Variants in CASQ2 observed in about 807,000 individuals in gnomAD.
The protein encoded by CASQ2 is calsequestrin-2.
Under a neutral mutation model 46.5 loss-of-function variants are expected in CASQ2, and 49 were observed. The observed-to-expected ratio is 1.05, with a 90% CI of 0.84 to 1.34. The LOEUF is 1.34. Ranked by LOEUF, CASQ2 falls within the 40% of genes most tolerant of loss-of-function variation. The probability of loss-of-function intolerance (pLI) is 0.00; values close to 1 mark genes in which losing one functional copy is unlikely to be tolerated. For synonymous variants in CASQ2, 174 were observed against 168.5 expected, an observed-to-expected ratio of 1.03 and a Z score of -0.25; for missense variants, 486 against 481.3, an observed-to-expected ratio of 1.01 and a Z score of -0.09.
At chr1:115,749,877 C>A (rs1648517558) in intron 1 of CASQ2, among the ~76,000 whole-genome samples, 1 of 152,234 alleles carries the variant, frequency 6.6e-6, no homozygotes, top group Admixed American at 6.5e-5. Flanking sequence ...CCACCGTTGG[C>A]TGCAGAGCGC....
chr1:115,702,791 T>A (rs1300315080), intron 10 of CASQ2, 130 bp downstream of exon 10: 2 of 747,156 alleles, frequency 2.7e-6, no homozygotes, highest in Middle Eastern at 3.6e-4. Flanking sequence ...CTGGCAAGTT[T>A]CCTTGAGCAG....
At chr1:115,735,744 A>G (rs1420814834) in intron 4 of CASQ2, among the ~76,000 whole-genome samples, 5 of 152,336 alleles carry the variant, frequency 3.3e-5, no homozygotes, top group Non-Finnish European at 7.3e-5. Flanking sequence ...GAATATGAAC[A>G]TTACATTTGT....
At chr1:115,741,665 A>T (rs1648182694) in intron 2 of CASQ2, among the ~76,000 whole-genome samples, 2 of 152,162 alleles carry the variant, frequency 1.3e-5, no homozygotes, top group South Asian at 4.1e-4. Flanking sequence ...TTCTTTATCC[A>T]GTTGGCTGGT....
chr1:115,764,598 A>G (rs908787782), intron 1 of CASQ2, among the ~76,000 whole-genome samples: 1 of 152,250 alleles, frequency 6.6e-6, no homozygotes, highest in African/African-American at 2.4e-5. Flanking sequence ...TGAGGGGTTC[A>G]GAGCAACCTA....
chr1:115,721,846 T>C (rs1647388790), intron 7 of CASQ2, among the ~76,000 whole-genome samples: 1 of 152,158 alleles, frequency 6.6e-6, no homozygotes, highest in Non-Finnish European at 1.5e-5. Flanking sequence ...GCTGGGACTA[T>C]AGACATGAGC....
intron 4 of CASQ2, among the ~76,000 whole-genome samples, chr1:115,736,981 G>T (rs768840511): frequency 6.6e-6 from 1 of 152,088 alleles, no homozygotes; most frequent in Non-Finnish European, 1.5e-5. Context: ...GGTACTGAAA[G>T]GTGTGCTCTT....
At chr1:115,761,528 A>AGAAGAAGAAGAAGAAGAGGAAG (rs1553197305) in intron 1 of CASQ2, among the ~76,000 whole-genome samples, 1 of 78,726 alleles carries the variant, frequency 1.3e-5, no homozygotes, top group African/African-American at 4.6e-5. Flanking sequence ...AAGAAGAAGA[A>AGAAGAAGAAGAAGAAGAGGAAG]GAGTTCATAA....
At chr1:115,712,053 C>G (rs1200207919) in intron 8 of CASQ2, among the ~76,000 whole-genome samples, 1 of 152,174 alleles carries the variant, frequency 6.6e-6, no homozygotes, top group Non-Finnish European at 1.5e-5. Flanking sequence ...GGTCCTCTCT[C>G]AGAAAGACCT....
chr1:115,741,500 G>T (rs1196844643), intron 2 of CASQ2, among the ~76,000 whole-genome samples: 1 of 152,150 alleles, frequency 6.6e-6, no homozygotes, highest in Non-Finnish European at 1.5e-5. Context: ...TCAATTTACA[G>T]GTCTTCACTA....
At chr1:115,725,036 T>C (rs1384293354) in intron 7 of CASQ2, among the ~76,000 whole-genome samples, 3 of 152,186 alleles carry the variant, frequency 2.0e-5, no homozygotes, top group Non-Finnish European at 2.9e-5. Context: ...TGTGTTTTAA[T>C]TGAGCATGAA....
intron 3 of CASQ2, 76 bp downstream of exon 3, chr1:115,740,652 T>G: frequency 1.0e-6 from 1 of 982,178 alleles, no homozygotes; most frequent in Non-Finnish European, 1.6e-6. Context: ...CAGCTTGTCC[T>G]TTCTTTGGGG....
chr1:115,718,186 T>C (rs919346418), intron 7 of CASQ2, among the ~76,000 whole-genome samples: 1 of 152,184 alleles, frequency 6.6e-6, no homozygotes, highest in Non-Finnish European at 1.5e-5. Context: ...TGAGCCTCAC[T>C]CCTGTGGTCT....
At chr1:115,759,050 G>C (rs1026648124) in intron 1 of CASQ2, among the ~76,000 whole-genome samples, 53 of 152,204 alleles carry the variant, frequency 3.5e-4, no homozygotes, top group African/African-American at 1.3e-3. Context: ...TACATAGGTT[G>C]TCAGGGAGAT....
At chr1:115,716,882 G>A (rs1654716772) in intron 8 of CASQ2, among the ~76,000 whole-genome samples, 1 of 152,162 alleles carries the variant, frequency 6.6e-6, no homozygotes, top group Non-Finnish European at 1.5e-5. Flanking sequence ...AAGTGATATG[G>A]TTTGGATCTG....
chr1:115,730,902 C>T (rs1647761029), intron 5 of CASQ2, among the ~76,000 whole-genome samples: 1 of 152,208 alleles, frequency 6.6e-6, no homozygotes, highest in Admixed American at 6.5e-5. Context: ...AGCCACTTCA[C>T]ATTTATTACT....
At chr1:115,760,760 C>T (rs1336864334) in intron 1 of CASQ2, among the ~76,000 whole-genome samples, 1 of 152,066 alleles carries the variant, frequency 6.6e-6, no homozygotes, top group African/African-American at 2.4e-5. Flanking sequence ...AATATGTGGC[C>T]AAAGTTGAGA....
intron 1 of CASQ2, among the ~76,000 whole-genome samples, chr1:115,751,766 C>A (rs1458961495): frequency 6.6e-6 from 1 of 152,100 alleles, no homozygotes; most frequent in Non-Finnish European, 1.5e-5. Context: ...GAGGTCAAAT[C>A]CTGCAGAGCC....
intron 1 of CASQ2, among the ~76,000 whole-genome samples, chr1:115,748,618 T>A (rs1053527371): frequency 6.6e-6 from 1 of 152,046 alleles, no homozygotes; most frequent in Non-Finnish European, 1.5e-5. Context: ...ATGACTCATG[T>A]TGAGATTTTC....
At chr1:115,744,985 C>T (rs2101101154) in intron 1 of CASQ2, 73 bp from the exon 2 acceptor site, 3 of 1,072,662 alleles carry the variant, frequency 2.8e-6, no homozygotes, top group Non-Finnish European at 2.9e-6. Flanking sequence ...GATTACTATC[C>T]TCATGTATCA....
Sources: allele counts gnomAD v4.1 joint callset (sites outside exome capture counted in the v4.1 genomes callset), GRCh38; gene constraint gnomAD v4.1.1; transcripts MANE v1.5; gene names NCBI Gene and HGNC (gene_info 2026-07-23, HGNC 2026-07-21).